The following SORCS3 variants were observed in gnomAD, a reference collection of about 807,000 sequenced individuals.
SORCS3 encodes the protein VPS10 domain-containing receptor SorCS3.
A neutral mutation model predicts 146.3 loss-of-function variants in SORCS3; 57 were observed. The observed-to-expected ratio is 0.39, with a 90% CI of 0.31 to 0.49. The LOEUF is 0.49. Ranked by LOEUF, SORCS3 falls within the 20% of genes least tolerant of loss-of-function variation. The pLI is 0.92. For missense variants in SORCS3, 1,341 were observed against 1,575.5 expected (o/e 0.85, Z 2.52); for synonymous variants, 653 against 618.5 (o/e 1.06, Z -0.83).
chr10:104,813,854 T>C (rs762815481), intron 1 of SORCS3, among the ~76,000 whole-genome samples: 7 of 152,074 alleles, frequency 4.6e-5, no homozygotes, highest in Non-Finnish European at 8.8e-5. Flanking sequence ...TTGGAAATTC[T>C]AAAATCTGTT....
chr10:104,720,769 G>A (rs1589471763), intron 1 of SORCS3, among the ~76,000 whole-genome samples: 1 of 152,200 alleles, frequency 6.6e-6, no homozygotes, highest in Non-Finnish European at 1.5e-5. Context: ...CTGCATAAAT[G>A]TCTTCTTTTG....
chr10:104,812,780 A>G (rs1041192703), intron 1 of SORCS3, among the ~76,000 whole-genome samples: 1 of 152,192 alleles, frequency 6.6e-6, no homozygotes, highest in African/African-American at 2.4e-5. Flanking sequence ...AAAGGTAAAC[A>G]TCCAGAGCCA....
At chr10:104,720,517 T>C (rs1285998606) in intron 1 of SORCS3, among the ~76,000 whole-genome samples, 1 of 152,210 alleles carries the variant, frequency 6.6e-6, no homozygotes, top group African/African-American at 2.4e-5. Flanking sequence ...GGTTAAATGG[T>C]ATTTCTAGTT....
chr10:104,736,670 GT>G (rs945526286), intron 1 of SORCS3, among the ~76,000 whole-genome samples: 3 of 151,744 alleles, frequency 2.0e-5, no homozygotes, highest in African/African-American at 7.3e-5. Context: ...TCTGAAATCT[GT>G]TTCCTTTATA....
chr10:105,120,802 G>A (rs2055926962), intron 7 of SORCS3, among the ~76,000 whole-genome samples: 1 of 152,110 alleles, frequency 6.6e-6, no homozygotes, highest in Admixed American at 6.5e-5. Context: ...GTATTAAATT[G>A]TTTTCATTTT....
At chr10:105,250,362 G>A (rs994086916) in intron 22 of SORCS3, among the ~76,000 whole-genome samples, 5 of 152,104 alleles carry the variant, frequency 3.3e-5, no homozygotes, top group African/African-American at 1.2e-4. Flanking sequence ...GTATGGTTAC[G>A]TTCATTAAAA....
chr10:105,051,073 C>T (rs989914622), intron 5 of SORCS3, among the ~76,000 whole-genome samples: 1 of 152,064 alleles, frequency 6.6e-6, no homozygotes, highest in Admixed American at 6.6e-5. Context: ...CATGAGATTG[C>T]CTGACTTTGT....
At chr10:105,076,778 A>G (rs537706079) in intron 5 of SORCS3, among the ~76,000 whole-genome samples, 1 of 152,348 alleles carries the variant, frequency 6.6e-6, no homozygotes, top group East Asian at 1.9e-4. Context: ...CAGAGTGCTT[A>G]CACACAGTAG....
intron 16 of SORCS3, among the ~76,000 whole-genome samples, chr10:105,201,458 C>T (rs1462588013): frequency 6.6e-6 from 1 of 152,174 alleles, no homozygotes; most frequent in South Asian, 2.1e-4. Context: ...GGCATTTTCA[C>T]AGAGAGAGTC....
At chr10:105,107,526 T>A (rs1414348461) in intron 7 of SORCS3, among the ~76,000 whole-genome samples, 1 of 152,238 alleles carries the variant, frequency 6.6e-6, no homozygotes, top group African/African-American at 2.4e-5. Context: ...AAAATTATTC[T>A]GAAACATTCC....
At chr10:104,874,407 C>T (rs2018549720) in intron 2 of SORCS3, among the ~76,000 whole-genome samples, 1 of 152,124 alleles carries the variant, frequency 6.6e-6, no homozygotes, top group Non-Finnish European at 1.5e-5. Flanking sequence ...GCTATTCTTA[C>T]TGTTATAATA....
chr10:104,991,846 C>A (rs957708147), intron 4 of SORCS3, among the ~76,000 whole-genome samples: 1 of 152,108 alleles, frequency 6.6e-6, no homozygotes, highest in Non-Finnish European at 1.5e-5. Flanking sequence ...TTAGGGCCTG[C>A]TCTAATAACC....
At chr10:105,172,336 T>C (rs563050654) in intron 13 of SORCS3, among the ~76,000 whole-genome samples, 1 of 152,348 alleles carries the variant, frequency 6.6e-6, no homozygotes, top group South Asian at 2.1e-4. Flanking sequence ...AGCGTTAGAA[T>C]AGGGGTTGGG....
At chr10:105,051,704 A>T (rs183776216) in intron 5 of SORCS3, among the ~76,000 whole-genome samples, 1 of 152,230 alleles carries the variant, frequency 6.6e-6, no homozygotes, top group African/African-American at 2.4e-5. Context: ...AAACACAGTC[A>T]TTTGCAATCT....
chr10:104,822,151 T>A, intron 1 of SORCS3: 1 of 512,662 alleles, frequency 2.0e-6, no homozygotes, highest in South Asian at 1.4e-5. Context: ...CCTCAGTTTC[T>A]GTATCTGTAT....
chr10:105,130,408 C>G (rs1455061870), intron 7 of SORCS3, among the ~76,000 whole-genome samples: 1 of 152,076 alleles, frequency 6.6e-6, no homozygotes, highest in Non-Finnish European at 1.5e-5. Context: ...AACTCTTTGT[C>G]CCATGCTTCC....
chr10:105,156,960 A>G (rs1271330799), intron 9 of SORCS3, among the ~76,000 whole-genome samples, 178 bp from the exon 10 acceptor site: 2 of 152,134 alleles, frequency 1.3e-5, no homozygotes, highest in African/African-American at 2.4e-5. Flanking sequence ...TTCAGAGATG[A>G]ACTTTTTAAA....
At chr10:104,903,508 T>C (rs2133591663) in intron 2 of SORCS3, among the ~76,000 whole-genome samples, 1 of 152,258 alleles carries the variant, frequency 6.6e-6, no homozygotes, top group Non-Finnish European at 1.5e-5. Context: ...AGCCTGGAGT[T>C]GAACTGTAAA....
In SORCS3 at chr10:104,817,516, CT is replaced by C. The variant is rs1466739841; in HGVS notation, c.628-25275del. On this transcript the variant is annotated intron_variant, in intron 1 of 26. Transcript: ENST00000369701. ...CTCTCGCTTCTCCCTCCCCCTCCCC[CT>C]CCTCTTCCGCTTCCCCCTCCTCCTC... Among the ~76,000 whole-genome samples, 86 of 59,528 alleles carry C rather than the reference CT, an allele frequency of 1.4e-3. 1 individual carries two copies. Among genetic ancestry groups the C allele is most frequent in the African/African-American group, 5.4e-3 (75 of 13,802 alleles). 39.1% of individuals were successfully genotyped at this position (59,528 alleles called of 152,430 possible).
Sources: gnomAD v4.1 joint callset for allele counts (sites outside exome capture counted in the v4.1 genomes callset) on GRCh38, gnomAD v4.1.1 for gene constraint, MANE v1.5 for transcripts, NCBI Gene and HGNC (gene_info 2026-07-23, HGNC 2026-07-21) for gene names.